The following DTNA variants were observed in gnomAD, a reference collection of about 807,000 sequenced individuals.
DTNA encodes dystrobrevin alpha, also known as dystrophin-related protein 3.
DTNA carries 43 observed loss-of-function variants against 100.7 expected under a neutral mutation model. The ratio of observed to expected loss-of-function variants is 0.43; its 90% CI spans 0.33 to 0.55. DTNA has a LOEUF of 0.55. Ranked by LOEUF, DTNA falls within the 20% of genes least tolerant of loss-of-function variation. The probability of loss-of-function intolerance (pLI) is 0.04; values close to 1 mark genes in which losing one functional copy is unlikely to be tolerated. For synonymous variants in DTNA, 349 were observed against 347.9 expected, an observed-to-expected ratio of 1.00 and a Z score of -0.04; for missense variants, 798 against 953.9, an observed-to-expected ratio of 0.84 and a Z score of 2.15.
chr18:34,724,904 G>C (rs2086247280), intron 1 of DTNA, among the ~76,000 whole-genome samples: 1 of 152,130 alleles, frequency 6.6e-6, no homozygotes, highest in Admixed American at 6.5e-5. Context: ...CAATGGAACA[G>C]AACATTGATC....
intron 3 of DTNA, among the ~76,000 whole-genome samples, chr18:34,772,363 TAAATTTCTTTTC>T (rs1601765998): frequency 1.3e-5 from 2 of 152,242 alleles, no homozygotes; most frequent in East Asian, 3.8e-4. Flanking sequence ...TTACTGTCTC[TAAATTTCTTTTC>T]AAATTTCTTT....
At chr18:34,809,388 C>T (rs1237542039) in intron 5 of DTNA, among the ~76,000 whole-genome samples, 2 of 152,058 alleles carry the variant, frequency 1.3e-5, no homozygotes, top group Non-Finnish European at 2.9e-5. Context: ...ACCCAGGAGG[C>T]AGAGGTTGCG....
rs375175495 is a variant in DTNA, at chr18:34,806,244, T to C, written c.388T>C (p.Phe130Leu). The change falls in exon 5 of 23, where the codon TTT (phenylalanine) becomes CTT (leucine). Residue 130 changes from phenylalanine (F) to leucine (L), a missense_variant. By Grantham distance (22) the Phe-to-Leu change is conservative (BLOSUM62 0). Around this residue, in one of 6 missense-constraint regions of DTNA, gnomAD observed 197 missense variants for 215.4 expected, o/e 0.91. Transcript: ENST00000444659. ...GGAAGGCCATGGTAAAATTTCAGTA[T>C]TTGCTGTCAAAATGGCTTTAGCCAC... ...DPEGHGKISVFAVKMALATLC... is the reference protein window; with the variant it reads ...DPEGHGKISVLAVKMALATLC... 14 of 1,613,990 alleles carry C rather than the reference T, an allele frequency of 8.7e-6. No homozygotes were observed. Among genetic ancestry groups the C allele is most frequent in the Non-Finnish European group, 1.2e-5 (14 of 1,179,922 alleles).
At chr18:34,536,618 A>G (rs1358935418) in intron 1 of DTNA, among the ~76,000 whole-genome samples, 1 of 151,974 alleles carries the variant, frequency 6.6e-6, no homozygotes. Context: ...ACTATAATGT[A>G]AAGACATCCT....
intron 1 of DTNA, among the ~76,000 whole-genome samples, chr18:34,675,838 C>T (rs1321908184): frequency 6.6e-6 from 1 of 152,082 alleles, no homozygotes; most frequent in Non-Finnish European, 1.5e-5. Context: ...ATGTGCCAGC[C>T]ACCATTCTAA....
chr18:34,585,655 A>G (rs1253671025), intron 1 of DTNA, among the ~76,000 whole-genome samples: 1 of 152,162 alleles, frequency 6.6e-6, no homozygotes, highest in Non-Finnish European at 1.5e-5. Context: ...GAAGTATTAT[A>G]TATAATATCC....
chr18:34,736,706 C>G (rs369935810), intron 1 of DTNA, among the ~76,000 whole-genome samples: 1 of 152,224 alleles, frequency 6.6e-6, no homozygotes. Flanking sequence ...TTAAAATAAA[C>G]GTGATATTAT....
chr18:34,589,432 C>G (rs182872921), intron 1 of DTNA, among the ~76,000 whole-genome samples: 1 of 151,986 alleles, frequency 6.6e-6, no homozygotes, highest in Non-Finnish European at 1.5e-5. Flanking sequence ...CATAATAAAA[C>G]CCCGTCTCTA....
At chr18:34,747,720 C>T (rs2091828937) in intron 1 of DTNA, among the ~76,000 whole-genome samples, 1 of 152,116 alleles carries the variant, frequency 6.6e-6, no homozygotes, top group Admixed American at 6.5e-5. Context: ...ATGTATACCA[C>T]ATTTTCTTTA....
At chr18:34,495,989 C>T (rs2039150786) in intron 1 of DTNA, among the ~76,000 whole-genome samples, 1 of 152,054 alleles carries the variant, frequency 6.6e-6, no homozygotes, top group African/African-American at 2.4e-5. Flanking sequence ...ATTGCTTCTT[C>T]ACATAACGAG....
chr18:34,866,909 C>T, intron 17 of DTNA: 1 of 1,123,104 alleles, frequency 8.9e-7, no homozygotes, highest in East Asian at 4.6e-5. Context: ...GGCATTGTGA[C>T]TTTATAGCCT....
At chr18:34,752,421 G>C (rs540205608) in intron 1 of DTNA, among the ~76,000 whole-genome samples, 42 of 152,320 alleles carry the variant, frequency 2.8e-4, no homozygotes, top group African/African-American at 1.0e-3. Context: ...CCATTGATGA[G>C]AGTTAAATTG....
intron 4 of DTNA, among the ~76,000 whole-genome samples, chr18:34,803,613 A>G (rs1159448711): frequency 6.6e-6 from 1 of 152,128 alleles, no homozygotes; most frequent in Non-Finnish European, 1.5e-5. Context: ...CATTATTGCT[A>G]TGTGATTGCT....
At chr18:34,679,903 C>T (rs2077854567) in intron 1 of DTNA, among the ~76,000 whole-genome samples, 1 of 151,858 alleles carries the variant, frequency 6.6e-6, no homozygotes, top group Admixed American at 6.6e-5. Context: ...AAGCAAATGC[C>T]ATAATACTTC....
chr18:34,548,209 T>G (rs1050042586), intron 1 of DTNA, among the ~76,000 whole-genome samples: 1 of 152,114 alleles, frequency 6.6e-6, no homozygotes. Context: ...AATAGCACAT[T>G]TAATTGAAAA....
rs920248077 is a variant in DTNA at position 34,890,394 on chromosome 18, G to T, written c.*2660G>T. ...TTTTGGGGTTTTGTGTTTTTTGGTG[G>T]GTTTCTTTCCTTGGCTCTCCAGATT... On this transcript the variant is annotated 3_prime_UTR_variant, in exon 23 of 23. Coordinates refer to ENST00000444659, the MANE Select transcript of DTNA (RefSeq NM_001386795.1). The T allele has an allele frequency of 2.0e-6, 3 of 1,535,966 alleles. No individual in the cohort carries two copies. The highest frequency in any genetic ancestry group is 2.0e-5 in the Admixed American group (1 of 50,970).
intron 3 of DTNA, among the ~76,000 whole-genome samples, chr18:34,772,374 T>C (rs528988621): frequency 6.6e-6 from 1 of 152,350 alleles, no homozygotes; most frequent in East Asian, 1.9e-4. Context: ...AAATTTCTTT[T>C]CAAATTTCTT....
intron 1 of DTNA, among the ~76,000 whole-genome samples, chr18:34,754,564 C>CA (rs889053418): frequency 5.9e-5 from 9 of 152,130 alleles, no homozygotes; most frequent in African/African-American, 2.2e-4. Context: ...GTGGGGCACT[C>CA]AAAGTGTAGT....
chr18:34,545,697 T>C (rs2044706954), intron 1 of DTNA, among the ~76,000 whole-genome samples: 1 of 152,228 alleles, frequency 6.6e-6, no homozygotes, highest in South Asian at 2.1e-4. Flanking sequence ...TTCAATTCAA[T>C]CTTCTGCCCA....
Sources: allele counts gnomAD v4.1 joint callset (sites outside exome capture counted in the v4.1 genomes callset), GRCh38; gene constraint gnomAD v4.1.1; regional missense constraint gnomAD v4.1.1; transcripts MANE v1.5; gene names NCBI Gene and HGNC (gene_info 2026-07-23, HGNC 2026-07-21).